Variants in EYS observed in about 807,000 individuals in gnomAD.
EYS encodes protein eyes shut homolog.
In EYS, 250 loss-of-function variants were observed where a neutral mutation model predicts 282.1. The ratio of observed to expected loss-of-function variants is 0.89; its 90% CI spans 0.80 to 0.98. The LOEUF is 0.98. Ranked by LOEUF, EYS falls within the 50% of genes least tolerant of loss-of-function variation. EYS has a pLI of 0.00. For missense variants in EYS, 4,016 were observed against 3,709.0 expected, an observed-to-expected ratio of 1.08 and a Z score of -2.15; for synonymous variants, 1,355 against 1,282.9, an observed-to-expected ratio of 1.06 and a Z score of -1.20.
chr6:65,442,321 A>C (rs1768362586), intron 5 of EYS, among the ~76,000 whole-genome samples: 3 of 152,042 alleles, frequency 2.0e-5, no homozygotes, highest in Admixed American at 2.0e-4. Flanking sequence ...TTGGGTTTGA[A>C]TTATATGGGC....
At chr6:63,899,089 T>C (rs1177562146) in intron 35 of EYS, among the ~76,000 whole-genome samples, 5 of 152,248 alleles carry the variant, frequency 3.3e-5, no homozygotes, top group Non-Finnish European at 7.3e-5. Flanking sequence ...GTGCAGATTA[T>C]TACGTTTATT....
intron 12 of EYS, among the ~76,000 whole-genome samples, chr6:65,242,063 T>C (rs867095719): frequency 2.0e-5 from 3 of 152,278 alleles, no homozygotes; most frequent in Admixed American, 6.5e-5. Flanking sequence ...TGATTACCTG[T>C]ATAATGACTC....
chr6:65,506,445 A>G (rs1766656467), intron 2 of EYS, among the ~76,000 whole-genome samples: 1 of 121,216 alleles, frequency 8.2e-6, no homozygotes, highest in Non-Finnish European at 1.8e-5. Flanking sequence ...GGTTTACAAT[A>G]TCCTTCCTTC....
At chr6:64,643,160 C>T (rs777648393) in intron 22 of EYS, among the ~76,000 whole-genome samples, 1 of 150,162 alleles carries the variant, frequency 6.7e-6, no homozygotes, top group Non-Finnish European at 1.5e-5. Flanking sequence ...GACTTTTCAA[C>T]TCCTCTTAGT....
chr6:65,665,514 C>A (rs1768166921), intron 1 of EYS, among the ~76,000 whole-genome samples: 1 of 152,052 alleles, frequency 6.6e-6, no homozygotes, highest in Admixed American at 6.5e-5. Context: ...ACAGCAGAAA[C>A]ATTGCTTAGC....
In EYS at chr6:65,173,769, T is replaced by C. The variant is rs144160749; in HGVS notation, c.2024-116042A>G. Among the ~76,000 whole-genome samples the C allele has an allele frequency of 3.5e-3, 537 of 151,332 alleles. 6 individuals carry two copies. Among genetic ancestry groups the C allele is most frequent in the Admixed American group, 7.0e-3 (106 of 15,108 alleles). ...AATATATAGATGTAATTCTGTTGTA[T>C]GAACAAAATTGTTATAGCACATTCT... On this transcript the variant is annotated intron_variant, in intron 12 of 42. Coordinates refer to ENST00000503581, the MANE Select transcript of EYS (RefSeq NM_001142800.2).
At chr6:64,312,045 G>T (rs1769733185) in intron 29 of EYS, among the ~76,000 whole-genome samples, 1 of 147,346 alleles carries the variant, frequency 6.8e-6, no homozygotes, top group Non-Finnish European at 1.5e-5. Context: ...TCACTCCCCT[G>T]CAAAGGGGCC....
At chr6:63,772,826 C>T (rs1182988229) in intron 40 of EYS, among the ~76,000 whole-genome samples, 6 of 151,936 alleles carry the variant, frequency 3.9e-5, no homozygotes, top group African/African-American at 1.2e-4. Context: ...TTGTTTTCTC[C>T]CTTACCCTAT....
chr6:65,305,807 T>A (rs943035760), intron 11 of EYS, among the ~76,000 whole-genome samples: 17 of 152,302 alleles, frequency 1.1e-4, no homozygotes, highest in African/African-American at 3.8e-4. Context: ...ATTTTTTATT[T>A]CTAATTCTCC....
intron 7 of EYS, among the ~76,000 whole-genome samples, chr6:65,392,567 A>G (rs145998574): frequency 2.7e-3 from 406 of 152,348 alleles, no homozygotes; most frequent in Admixed American, 4.9e-3. Context: ...AGACACATGA[A>G]AAAATGCTCA....
intron 12 of EYS, among the ~76,000 whole-genome samples, chr6:65,227,200 A>C (rs1766650903): frequency 6.6e-6 from 1 of 152,102 alleles, no homozygotes; most frequent in Non-Finnish European, 1.5e-5. Flanking sequence ...ATGTTGCAAC[A>C]TGAAAGAATT....
intron 14 of EYS, among the ~76,000 whole-genome samples, chr6:64,972,043 G>A (rs562619327): frequency 6.6e-5 from 10 of 152,154 alleles, no homozygotes; most frequent in South Asian, 2.1e-4. Flanking sequence ...GGGGTAAAGC[G>A]TTTCTAGCAA....
intron 22 of EYS, among the ~76,000 whole-genome samples, chr6:64,700,792 A>G (rs918256700): frequency 1.1e-4 from 17 of 152,010 alleles, no homozygotes; most frequent in African/African-American, 4.1e-4. Flanking sequence ...TAACGTGGCC[A>G]CACTATCCAA....
At chr6:64,109,004 C>G (rs1181847225) in intron 31 of EYS, among the ~76,000 whole-genome samples, 1 of 152,032 alleles carries the variant, frequency 6.6e-6, no homozygotes, top group Non-Finnish European at 1.5e-5. Flanking sequence ...GTAAAGGTCA[C>G]GTAACACTCT....
chr6:64,886,692 T>G lies in EYS; in HGVS notation c.2992+5A>C. 6.5e-7 allele frequency: 1 copy of G among 1,542,508 alleles called. No homozygotes were observed. Among genetic ancestry groups the G allele is most frequent in the Non-Finnish European group, 8.8e-7 (1 of 1,142,334 alleles). On this transcript the variant is annotated splice_donor_5th_base_variant and intron_variant, in intron 19 of 42. Transcript: ENST00000503581. ...TTGCTGCACATGGGACAGATATGGA[T>G]TTACCTGTATAACCAGGGGCACAGA...
At chr6:65,295,771 C>A in intron 12 of EYS, 92 bp downstream of exon 12, 1 of 1,072,644 alleles carries the variant, frequency 9.3e-7, no homozygotes, top group Non-Finnish European at 1.3e-6. Flanking sequence ...AATCAATAGA[C>A]ACATTTGAGA....
At chr6:63,847,135 G>T (rs1043033444) in intron 36 of EYS, among the ~76,000 whole-genome samples, 8 of 152,080 alleles carry the variant, frequency 5.3e-5, no homozygotes, top group African/African-American at 1.9e-4. Flanking sequence ...TTCAGATTCA[G>T]ATTTTACAAT....
chr6:65,470,480 C>G (rs184776063), intron 5 of EYS, among the ~76,000 whole-genome samples: 16 of 152,132 alleles, frequency 1.1e-4, no homozygotes, highest in African/African-American at 3.9e-4. Context: ...GTCCTTGATG[C>G]AGTCTTACCA....
chr6:65,301,535 G>A (rs1161038236), intron 11 of EYS, among the ~76,000 whole-genome samples: 4 of 152,216 alleles, frequency 2.6e-5, no homozygotes, highest in African/African-American at 7.2e-5. Context: ...CAGCGGCCAA[G>A]CGAGAAGAAA....
Sources: allele counts gnomAD v4.1 joint callset (sites outside exome capture counted in the v4.1 genomes callset), GRCh38; gene constraint gnomAD v4.1.1; transcripts MANE v1.5; gene names NCBI Gene and HGNC (gene_info 2026-07-23, HGNC 2026-07-21).